Variants in CLEC11A observed in about 807,000 individuals in gnomAD.
CLEC11A encodes the protein C-type lectin domain family 11 member A.
CLEC11A carries 35 observed loss-of-function variants against 33.9 expected under a neutral mutation model. The ratio of observed to expected loss-of-function variants is 1.03; its 90% CI spans 0.79 to 1.37. The LOEUF is 1.37. Ranked by LOEUF, CLEC11A falls within the 40% of genes most tolerant of loss-of-function variation. The pLI, the probability that CLEC11A is intolerant of heterozygous loss-of-function variation, is 0.00. For synonymous variants in CLEC11A, 220 were observed against 202.2 expected (o/e 1.09, Z -0.75); for missense variants, 519 against 455.5 (o/e 1.14, Z -1.27).
rs201461602 is a variant in CLEC11A, at chr19:50,723,539, G to A, written c.14G>A (p.Trp5Ter). Residue 5 changes from tryptophan to a stop codon, truncating the protein, a stop_gained, in exon 1 of 4, where the codon TGG (tryptophan) becomes TAG (stop). Transcript: ENST00000250340. LOFTEE classifies it high-confidence loss of function. The surrounding 1 kb of genome is among the most constrained non-coding windows in gnomAD (Gnocchi z 4.1). The part of the protein sequence containing the change: MQAA[W>*]LLGALVVPQL... ...GAGTCCAGCTTAATGCAGGCAGCCT[G>A]GCTTTTGGGGGCTTTGGTGGTCCCC... is the stretch of plus-strand genomic sequence containing the variant. The A allele has an allele frequency of 1.2e-6, 2 of 1,612,374 alleles. No individual in the cohort carries two copies. Among genetic ancestry groups the A allele is most frequent in the East Asian group, 4.5e-5 (2 of 44,878 alleles).
chr19:50,724,577 G>T lies in CLEC11A; in HGVS notation c.502G>T (p.Glu168Ter). The change falls in exon 3 of 4, where the codon GAG becomes TAG. Residue 168 changes from glutamate (E) to a stop codon, truncating the protein, a stop_gained. Transcript: ENST00000250340. LOFTEE classifies it high-confidence loss of function. The surrounding 1 kb of genome is among the most constrained non-coding windows in gnomAD (Gnocchi z 4.1). ...QALQEAQGRA[E>*]REHGRLEGCL... is the part of the protein sequence containing the mutation. ...CCTGCAGGAGGCGCAGGGTCGCGCC[G>T]AGCGCGAGCACGGCCGCTTGGAGGG... The T allele has an allele frequency of 7.0e-7, 1 of 1,438,774 alleles. No homozygotes were observed. Among genetic ancestry groups the T allele is most frequent in the East Asian group, 2.8e-5 (1 of 36,248 alleles). 89.1% of individuals were successfully genotyped at this position (1,438,774 alleles called of 1,614,324 possible). A position where few individuals can be genotyped will look rare whatever the true frequency, so the allele number is the denominator to read the frequency against.
chr19:50,725,468 C>G lies in CLEC11A; in HGVS notation c.*1C>G, dbSNP rs202182666. 2 of 1,589,196 alleles carry G rather than the reference C, an allele frequency of 1.3e-6. No homozygotes were observed. Among genetic ancestry groups the G allele is most frequent in the East Asian group, 4.5e-5 (2 of 44,140 alleles). ...CTACGTCTGCGAGTTCCCCTTCTAGCGGGGCCGGTACCCCGCCTCCCTGCC... is the reference window on the plus strand; with the variant it reads ...CTACGTCTGCGAGTTCCCCTTCTAGGGGGGCCGGTACCCCGCCTCCCTGCC... On this transcript the variant is annotated 3_prime_UTR_variant, in exon 4 of 4. Coordinates refer to ENST00000250340, the MANE Select transcript of CLEC11A (RefSeq NM_002975.3).
Position 50,725,508 on chromosome 19 carries a change from G to T in CLEC11A, c.*41G>T. 1 of 1,510,382 alleles carries T rather than the reference G, an allele frequency of 6.6e-7. No homozygotes were observed. Among genetic ancestry groups the T allele is most frequent in the Non-Finnish European group, 8.9e-7 (1 of 1,125,484 alleles). The allele number at this position is 1,510,382 out of a possible 1,614,324, so 93.6% of individuals were successfully genotyped here. On this transcript the variant is annotated 3_prime_UTR_variant, in exon 4 of 4. Transcript: ENST00000250340. The stretch of plus-strand genomic sequence containing the variant: ...GCCTCCCTGCCCATCCCACCACCCG[G>T]CCTTTCCCTGCGCCGTGCCCACCCT...
In CLEC11A at chr19:50,725,131, G is replaced by A. The variant is rs991273108; in HGVS notation, c.636G>A (p.Ala212=). The part of the protein sequence containing the change: ...ARCTARGGSL[A]QPADRQQMEA... ...GCACGGCGCGGGGCGGGAGCCTGGC[G>A]CAGCCGGCAGACCGCCAGCAGATGG... is the stretch of plus-strand genomic sequence containing the variant. The change falls in exon 4 of 4, where the codon GCG becomes GCA. Residue 212 remains alanine, a synonymous_variant. Transcript: ENST00000250340. The A allele has an allele frequency of 7.8e-6, 12 of 1,546,136 alleles. No homozygotes were observed. In the South Asian group the frequency reaches 9.5e-5, roughly 12 times the overall value.
Position 50,723,495 on chromosome 19 carries a change from C to G in CLEC11A, c.-31C>G, listed in dbSNP as rs775948583. ...CCTCCCACCCCAGACATCCAGACAT[C>G]TGGAACTTTGGGTGCCAAGAGTCCA... On this transcript the variant is annotated 5_prime_UTR_variant, in exon 1 of 4. In the 5' UTR this introduces an upstream ATG that the reference lacks. Transcript: ENST00000250340. The surrounding 1 kb of genome is among the most constrained non-coding windows in gnomAD (Gnocchi z 4.1). 1.2e-6 allele frequency: 2 copies of G among 1,611,534 alleles called. No homozygotes were observed. Among genetic ancestry groups the G allele is most frequent in the South Asian group, 2.2e-5 (2 of 90,930 alleles).
Position 50,725,484 on chromosome 19 carries a change from C to A in CLEC11A, c.*17C>A, listed in dbSNP as rs781703900. The stretch of plus-strand genomic sequence containing the variant: ...CCCTTCTAGCGGGGCCGGTACCCCG[C>A]CTCCCTGCCCATCCCACCACCCGGC... On this transcript the variant is annotated 3_prime_UTR_variant, in exon 4 of 4. Coordinates refer to ENST00000250340, the MANE Select transcript of CLEC11A (RefSeq NM_002975.3). 8.3e-6 allele frequency: 13 copies of A among 1,564,280 alleles called. No homozygotes were observed. Among genetic ancestry groups the A allele is most frequent in the South Asian group, 2.4e-5 (2 of 85,068 alleles).
At position 50,724,611 on chromosome 19, in the gene CLEC11A, C is replaced by T. The variant is rs1443455457; in HGVS notation, c.526+10C>T. On this transcript the variant is annotated intron_variant, in intron 3 of 3. Transcript: ENST00000250340. This position sits in a 1 kb window ranked among gnomAD's most constrained non-coding sequence, Gnocchi z 4.1. The stretch of plus-strand genomic sequence containing the variant: ...CACGGCCGCTTGGAGGGTGAGTCCG[C>T]GGCGCGCGGGGTGGAAAAAAATGAG... 2 of 1,391,976 alleles carry T rather than the reference C, an allele frequency of 1.4e-6. No individual in the cohort carries two copies. The highest frequency in any genetic ancestry group is 2.9e-5 in the East Asian group (1 of 34,490). The allele number at this position is 1,391,976 out of a possible 1,614,324, so 86.2% of individuals were successfully genotyped here.
chr19:50,725,351 G>C lies in CLEC11A; in HGVS notation c.856G>C (p.Asp286His), dbSNP rs1439330886. 4.3e-6 allele frequency: 7 copies of C among 1,612,152 alleles called. No individual in the cohort carries two copies. The highest frequency in any genetic ancestry group is 5.9e-6 in the Non-Finnish European group (7 of 1,179,528). Reference sequence around the variant, plus strand: ...CGCCTCGCCGCATCCGCTCAGCCCGGACCAGCCCAACGGTGGCACGCTCGA... The same window carrying C: ...CGCCTCGCCGCATCCGCTCAGCCCGCACCAGCCCAACGGTGGCACGCTCGA... ...PSASPHPLSP[D>H]QPNGGTLENC... Residue 286 changes from aspartate (D) to histidine (H), a missense_variant, in exon 4 of 4, where the codon GAC becomes CAC. Coordinates refer to ENST00000250340, the MANE Select transcript of CLEC11A (RefSeq NM_002975.3).
Position 50,725,263 on chromosome 19 carries a change from C to A in CLEC11A, c.768C>A (p.Gly256=). The change falls in exon 4 of 4, where the codon GGC becomes GGA. Residue 256 remains glycine, a synonymous_variant. Coordinates refer to ENST00000250340, the MANE Select transcript of CLEC11A (RefSeq NM_002975.3). ...AGGGCCTCTACCTCTTCGAAAACGG[C>A]CAGCGCGTGTCCTTCTTCGCCTGGC... ...RAEGLYLFEN[G]QRVSFFAWHR... is the part of the protein sequence containing the mutation. The A allele has an allele frequency of 1.2e-6, 2 of 1,611,006 alleles. No homozygotes were observed. Among genetic ancestry groups the A allele is most frequent in the Non-Finnish European group, 1.7e-6 (2 of 1,179,042 alleles).
Position 50,725,585 on chromosome 19 carries a change from A to C in CLEC11A, c.*118A>C. The C allele has an allele frequency of 7.0e-7, 1 of 1,437,928 alleles. No individual in the cohort carries two copies. The highest frequency in any genetic ancestry group is 9.2e-7 in the Non-Finnish European group (1 of 1,092,770). 89.1% of individuals were successfully genotyped at this position (1,437,928 alleles called of 1,614,324 possible). A position where few individuals can be genotyped will look rare whatever the true frequency, so the allele number is the denominator to read the frequency against. On this transcript the variant is annotated 3_prime_UTR_variant, in exon 4 of 4. Coordinates refer to ENST00000250340, the MANE Select transcript of CLEC11A (RefSeq NM_002975.3). ...GCCACGAATGGCAGCGTCCTCCCCG[A>C]CCCCCAGTCTGGGCGCTTCTGGGAG...
At position 50,725,372 on chromosome 19, in the gene CLEC11A, C is replaced by T. The variant is rs375336815; in HGVS notation, c.877C>T (p.Leu293Phe). Reference sequence around the variant, plus strand: ...CCCGGACCAGCCCAACGGTGGCACGCTCGAGAACTGCGTGGCGCAGGCCTC... The same window carrying T: ...CCCGGACCAGCCCAACGGTGGCACGTTCGAGAACTGCGTGGCGCAGGCCTC... ...LSPDQPNGGT[L>F]ENCVAQASDD... The change falls in exon 4 of 4, where the codon CTC becomes TTC. Residue 293 changes from leucine (L) to phenylalanine (F), a missense_variant. Leu to Phe is a conservative substitution (Grantham distance 22). Coordinates refer to ENST00000250340, the MANE Select transcript of CLEC11A (RefSeq NM_002975.3). 15 of 1,612,046 alleles carry T rather than the reference C, an allele frequency of 9.3e-6. No homozygotes were observed. The highest frequency in any genetic ancestry group is 1.3e-5 in the Non-Finnish European group (15 of 1,179,526).
In CLEC11A at chr19:50,724,941, C is replaced by A; in HGVS notation, c.527-81C>A. 2 of 1,416,312 alleles carry A rather than the reference C, an allele frequency of 1.4e-6. No individual in the cohort carries two copies. 87.7% of individuals were successfully genotyped at this position (1,416,312 alleles called of 1,614,324 possible). On this transcript the variant is annotated intron_variant, in intron 3 of 3. Coordinates refer to ENST00000250340, the MANE Select transcript of CLEC11A (RefSeq NM_002975.3). The surrounding 1 kb of genome is among the most constrained non-coding windows in gnomAD (Gnocchi z 4.1). ...GAGTTCCTGGCCCCGCCTCCCTCCA[C>A]CCCCGGATGTTTTGTCCTCGCCCCC...
rs1487629653 is a variant in CLEC11A, at chr19:50,723,726, G to A, written c.147+54G>A. 7.8e-6 allele frequency: 12 copies of A among 1,535,564 alleles called. No homozygotes were observed. In the East Asian group the frequency reaches 9.0e-5, roughly 12 times the overall value. ...GGTGGTGAACTGTGGGTCTGGGAGGGGGTATTGCAAGGTTAGGGAAATGGA... is the reference window on the plus strand; with the variant it reads ...GGTGGTGAACTGTGGGTCTGGGAGGAGGTATTGCAAGGTTAGGGAAATGGA... On this transcript the variant is annotated intron_variant, in intron 1 of 3. Transcript: ENST00000250340. The surrounding 1 kb of genome is among the most constrained non-coding windows in gnomAD (Gnocchi z 4.1).
Position 50,724,110 on chromosome 19 carries a change from TCACCCCC to T in CLEC11A, c.334+20_334+26del, listed in dbSNP as rs760440562. 1.3e-6 allele frequency: 2 copies of T among 1,573,662 alleles called. No individual in the cohort carries two copies. The highest frequency in any genetic ancestry group is 8.6e-7 in the Non-Finnish European group (1 of 1,159,264). The stretch of plus-strand genomic sequence containing the variant: ...TACATCCGTGAGTAACCAGAAGCCC[TCACCCCC>T]AAACTCCTAGGCCGCCGCGGTCACT... On this transcript the variant is annotated intron_variant, in intron 2 of 3. Coordinates refer to ENST00000250340, the MANE Select transcript of CLEC11A (RefSeq NM_002975.3). This position sits in a 1 kb window ranked among gnomAD's most constrained non-coding sequence, Gnocchi z 4.1.
chr19:50,724,051 C>T lies in CLEC11A; in HGVS notation c.294C>T (p.Pro98=). Reference sequence around the variant, plus strand: ...CAACGCCAACCCCATCCTCCGGCCCCAGCCCCTCTCCCACCCCTGAGGACA... The same window carrying T: ...CAACGCCAACCCCATCCTCCGGCCCTAGCCCCTCTCCCACCCCTGAGGACA... ...EEATPTPSSG[P]SPSPTPEDIV... Residue 98 remains proline, a synonymous_variant, in exon 2 of 4, where the codon CCC becomes CCT. Coordinates refer to ENST00000250340, the MANE Select transcript of CLEC11A (RefSeq NM_002975.3). This position sits in a 1 kb window ranked among gnomAD's most constrained non-coding sequence, Gnocchi z 4.1. 1 of 1,613,186 alleles carries T rather than the reference C, an allele frequency of 6.2e-7. No individual in the cohort carries two copies. Among genetic ancestry groups the T allele is most frequent in the Non-Finnish European group, 8.5e-7 (1 of 1,179,258 alleles).
rs1401167112 is a variant in CLEC11A, at chr19:50,723,717, T to A, written c.147+45T>A. On this transcript the variant is annotated intron_variant, in intron 1 of 3. Coordinates refer to ENST00000250340, the MANE Select transcript of CLEC11A (RefSeq NM_002975.3). The surrounding 1 kb of genome is among the most constrained non-coding windows in gnomAD (Gnocchi z 4.1). ...GGAGCTATGGGTGGTGAACTGTGGG[T>A]CTGGGAGGGGGTATTGCAAGGTTAG... The A allele has an allele frequency of 6.5e-7, 1 of 1,538,288 alleles. No homozygotes were observed. The highest frequency in any genetic ancestry group is 2.3e-5 in the East Asian group (1 of 44,218).
chr19:50,725,046 G>A lies in CLEC11A; in HGVS notation c.551G>A (p.Gly184Asp). Residue 184 changes from glycine to aspartate, a missense_variant, in exon 4 of 4, where the codon GGC becomes GAC. Physicochemically the swap from Gly to Asp is moderately conservative, Grantham distance 94. Coordinates refer to ENST00000250340, the MANE Select transcript of CLEC11A (RefSeq NM_002975.3). ...GGCTGCCTGAAGGGGCTGCGCCTGG[G>A]CCACAAGTGCTTCCTGCTCTCGCGC... is the stretch of plus-strand genomic sequence containing the variant. ...LEGCLKGLRL[G>D]HKCFLLSRDF... 1 of 1,509,072 alleles carries A rather than the reference G, an allele frequency of 6.6e-7. No homozygotes were observed. 93.5% of individuals were successfully genotyped at this position (1,509,072 alleles called of 1,614,324 possible).
chr19:50,723,799 G>A lies in CLEC11A; in HGVS notation c.148-106G>A. ...TCTCAGAGGAGTGGGAGGGTGATGGGCTCAGAGACAGGACTCAGGCAGCAG... is the reference window on the plus strand; with the variant it reads ...TCTCAGAGGAGTGGGAGGGTGATGGACTCAGAGACAGGACTCAGGCAGCAG... On this transcript the variant is annotated intron_variant, in intron 1 of 3. Transcript: ENST00000250340. This position sits in a 1 kb window ranked among gnomAD's most constrained non-coding sequence, Gnocchi z 4.1. 1.3e-6 allele frequency: 2 copies of A among 1,532,454 alleles called. No homozygotes were observed. The highest frequency in any genetic ancestry group is 2.5e-5 in the South Asian group (2 of 78,570). 94.9% of individuals were successfully genotyped at this position (1,532,454 alleles called of 1,614,324 possible).
rs2089161157 is a variant in CLEC11A, at chr19:50,723,828, A to G, written c.148-77A>G. On this transcript the variant is annotated intron_variant, in intron 1 of 3. Transcript: ENST00000250340. The surrounding 1 kb of genome is among the most constrained non-coding windows in gnomAD (Gnocchi z 4.1). ...AGAGACAGGACTCAGGCAGCAGAGAATGAGTTATGAGTTGGAAAGGGGTGA... is the reference window on the plus strand; with the variant it reads ...AGAGACAGGACTCAGGCAGCAGAGAGTGAGTTATGAGTTGGAAAGGGGTGA... 4 of 1,543,214 alleles carry G rather than the reference A, an allele frequency of 2.6e-6. No individual in the cohort carries two copies. Among genetic ancestry groups the G allele is most frequent in the South Asian group, 2.5e-5 (2 of 81,320 alleles).
Sources: allele counts gnomAD v4.1 joint callset, GRCh38; gene constraint gnomAD v4.1.1; non-coding constraint Gnocchi (gnomAD v3.1); transcripts MANE v1.5; gene names NCBI Gene and HGNC (gene_info 2026-07-23, HGNC 2026-07-21).